Variants in KLHL26 observed in about 807,000 individuals in gnomAD.
The protein encoded by KLHL26 is kelch-like protein 26.
In KLHL26, 4 loss-of-function variants were observed where a neutral mutation model predicts 7.1. The observed-to-expected ratio is 0.56, with a 90% CI of 0.28 to 1.28. The LOEUF (loss-of-function observed/expected upper bound fraction) is 1.28. KLHL26 is among the 50% of genes most tolerant of loss of function. The pLI is 0.11. For missense variants in KLHL26, 896 were observed against 924.6 expected (o/e 0.97, Z 0.40); for synonymous variants, 465 against 414.1 (o/e 1.12, Z -1.49).
At chr19:18,658,850 C>T (rs1473569887) in intron 1 of KLHL26, among the ~76,000 whole-genome samples, 3 of 150,680 alleles carry the variant, frequency 2.0e-5, no homozygotes, top group Admixed American at 6.6e-5. Context: ...TTCTCTGGGT[C>T]TCTGTCTCCC....
Position 18,668,262 on chromosome 19 carries a change from G to T in KLHL26, c.865G>T (p.Val289Leu), listed in dbSNP as rs774377746. Residue 289 changes from valine to leucine, a missense_variant, in exon 3 of 3, where the codon GTG (valine) becomes TTG (leucine). Coordinates refer to ENST00000300976, the MANE Select transcript of KLHL26 (RefSeq NM_018316.3). ...QYLLEAFNYQVLPFRQHEMQS... is the reference protein window; with the variant it reads ...QYLLEAFNYQLLPFRQHEMQS... ...TCTGCTGGAGGCCTTCAACTACCAG[G>T]TGCTGCCCTTCCGGCAGCACGAGAT... 3.8e-5 allele frequency: 61 copies of T among 1,612,002 alleles called. No individual in the cohort carries two copies. The highest frequency in any genetic ancestry group is 4.9e-5 in the Non-Finnish European group (58 of 1,179,866).
intron 1 of KLHL26, among the ~76,000 whole-genome samples, chr19:18,661,319 C>G (rs2052389852): frequency 6.6e-6 from 1 of 152,146 alleles, no homozygotes; most frequent in Admixed American, 6.5e-5. Context: ...GTTTGGAACA[C>G]TGGCCCACCT....
chr19:18,650,024 G>C lies in KLHL26; in HGVS notation c.83+12887G>C, dbSNP rs1027826487. Among the ~76,000 whole-genome samples, 4 of 152,240 alleles carry C rather than the reference G, an allele frequency of 2.6e-5. No individual in the cohort carries two copies. Among genetic ancestry groups the C allele is most frequent in the East Asian group, 1.9e-4 (1 of 5,198 alleles). On this transcript the variant is annotated intron_variant, in intron 1 of 2. Transcript: ENST00000300976. The surrounding 1 kb of genome is among the most constrained non-coding windows in gnomAD (Gnocchi z 4.2). The stretch of plus-strand genomic sequence containing the variant: ...GGGGAATCACAGACCTTTCCTGCGA[G>C]GGCAAGGGCTTCCGGAATTGAACAG...
chr19:18,662,498 G>T (rs1214108784), intron 1 of KLHL26, among the ~76,000 whole-genome samples: 1 of 152,238 alleles, frequency 6.6e-6, no homozygotes. Flanking sequence ...GCATGCACGG[G>T]CAGGGAAGAG....
At position 18,656,614 on chromosome 19, in the gene KLHL26, GCAGGGGT is replaced by G. The variant is rs1478039266; in HGVS notation, c.84-7643_84-7637del. Reference sequence around the variant, plus strand: ...GAAGGGGAAGGCCAGGGCCTCCTTCGCAGGGGTCAGAGGGCATCCATGCAGGACGCTG... The same window carrying G: ...GAAGGGGAAGGCCAGGGCCTCCTTCGCAGAGGGCATCCATGCAGGACGCTG... On this transcript the variant is annotated intron_variant, in intron 1 of 2. Transcript: ENST00000300976. This position sits in a 1 kb window ranked among gnomAD's most constrained non-coding sequence, Gnocchi z 4.4. Among the ~76,000 whole-genome samples the G allele has an allele frequency of 9.2e-5, 14 of 152,184 alleles. No homozygotes were observed. Among genetic ancestry groups the G allele is most frequent in the African/African-American group, 3.4e-4 (14 of 41,520 alleles).
In KLHL26 at chr19:18,668,420, C is replaced by T. The variant is rs759036019; in HGVS notation, c.1023C>T (p.Phe341=). The change falls in exon 3 of 3, where the codon TTC becomes TTT. Residue 341 remains phenylalanine (F), a synonymous_variant. Coordinates refer to ENST00000300976, the MANE Select transcript of KLHL26 (RefSeq NM_018316.3). ...YQLPEPGARH[F]RELTEMEVGC... The stretch of plus-strand genomic sequence containing the variant: ...TGCCTGAGCCGGGAGCCCGCCACTT[C>T]CGCGAGCTCACGGAGATGGAGGTAG... 1 of 1,611,174 alleles carries T rather than the reference C, an allele frequency of 6.2e-7. No individual in the cohort carries two copies. Among genetic ancestry groups the T allele is most frequent in the East Asian group, 2.2e-5 (1 of 44,864 alleles).
Position 18,641,325 on chromosome 19 carries a change from T to TC in KLHL26, c.83+4188_83+4189insC, listed in dbSNP as rs1389819002. On this transcript the variant is annotated intron_variant, in intron 1 of 2. Coordinates refer to ENST00000300976, the MANE Select transcript of KLHL26 (RefSeq NM_018316.3). ...TTTTAAGTTGGGTTGCCTTTTTTTT[T>TC]TTTTTTTTTTTAAGACTGAGTCTCG... is the stretch of plus-strand genomic sequence containing the variant. Among the ~76,000 whole-genome samples, 6 of 149,936 alleles carry TC rather than the reference T, an allele frequency of 4.0e-5. No homozygotes were observed. The East Asian group carries it at 1.2e-3, about 29-fold the overall frequency.
chr19:18,662,454 G>A (rs773079344), intron 1 of KLHL26, among the ~76,000 whole-genome samples: 9 of 152,194 alleles, frequency 5.9e-5, no homozygotes, highest in African/African-American at 9.6e-5. Flanking sequence ...CCATGAGGAC[G>A]GGGCCTACTT....
Position 18,637,436 on chromosome 19 carries a change from G to A in KLHL26, c.83+299G>A, listed in dbSNP as rs543540068. On this transcript the variant is annotated intron_variant, in intron 1 of 2. Coordinates refer to ENST00000300976, the MANE Select transcript of KLHL26 (RefSeq NM_018316.3). Reference sequence around the variant, plus strand: ...GCTCTTGACTGTGGTGGGCCGTGGGGCAACTGGGGATGCCAAAGGGCCTGG... The same window carrying A: ...GCTCTTGACTGTGGTGGGCCGTGGGACAACTGGGGATGCCAAAGGGCCTGG... 4.0e-3 allele frequency among the ~76,000 whole-genome samples: 612 copies of A among 152,180 alleles called. 2 individuals are homozygous for A. The highest frequency in any genetic ancestry group is 6.1e-3 in the Non-Finnish European group (412 of 68,000).
rs1169232064 is a variant in KLHL26 at position 18,659,141 on chromosome 19, G to T, written c.84-5120G>T. ...CCTGTTTTTCTTTCTGTGGGTCCCGGTTCTTCTCTGGGTCTCTGTCCCCTC... is the reference window on the plus strand; with the variant it reads ...CCTGTTTTTCTTTCTGTGGGTCCCGTTTCTTCTCTGGGTCTCTGTCCCCTC... On this transcript the variant is annotated intron_variant, in intron 1 of 2. Transcript: ENST00000300976. Among the ~76,000 whole-genome samples, 17 of 150,162 alleles carry T rather than the reference G, an allele frequency of 1.1e-4. 1 individual carries two copies.
rs2052513673 is a variant in KLHL26, at chr19:18,670,214, C to G, written c.*969C>G. Reference sequence around the variant, plus strand: ...CTACGGAGCCAGCAGTGAGGCCTTTCCCTTCAAGGGCTCTGTGGTATCTCT... The same window carrying G: ...CTACGGAGCCAGCAGTGAGGCCTTTGCCTTCAAGGGCTCTGTGGTATCTCT... On this transcript the variant is annotated 3_prime_UTR_variant, in exon 3 of 3. Transcript: ENST00000300976. The G allele has an allele frequency of 6.6e-6, 1 of 152,378 alleles. No individual in the cohort carries two copies. The highest frequency in any genetic ancestry group is 6.5e-5 in the Admixed American group (1 of 15,286). The allele number at this position is 152,378 out of a possible 1,614,324, so 9.4% of individuals were successfully genotyped here. A position where few individuals can be genotyped will look rare whatever the true frequency, so the allele number is the denominator to read the frequency against.
At chr19:18,660,475 G>A (rs79874884) in intron 1 of KLHL26, among the ~76,000 whole-genome samples, 3,046 of 152,296 alleles carry the variant, frequency 0.02, 105 homozygotes, top group African/African-American at 0.07. Flanking sequence ...CTGGAGACTC[G>A]GACCGGCTCA....
At position 18,668,120 on chromosome 19, in the gene KLHL26, GC is replaced by G. The variant is rs1568464373; in HGVS notation, c.725del (p.Pro242ArgfsTer108). The G allele has an allele frequency of 2.5e-6, 4 of 1,599,220 alleles. No individual in the cohort carries two copies. Among genetic ancestry groups the G allele is most frequent in the South Asian group, 2.2e-5 (2 of 90,884 alleles). ...RWLQHDPARR[P>X]RASHVLCHIR... The stretch of plus-strand genomic sequence containing the variant: ...GGCTGCAGCATGACCCGGCCCGGCG[GC>G]CGCGCGCCAGCCACGTGCTCTGCCA... On this transcript the variant is annotated frameshift_variant, in exon 3 of 3. Transcript: ENST00000300976. LOFTEE classifies it low-confidence loss of function (END_TRUNC).
intron 1 of KLHL26, among the ~76,000 whole-genome samples, chr19:18,662,242 G>A (rs1455179683): frequency 3.9e-5 from 6 of 152,224 alleles, no homozygotes; most frequent in South Asian, 4.2e-4. Context: ...AAATCTCCTT[G>A]AACTTCTAAG....
Position 18,668,659 on chromosome 19 carries a change from G to A in KLHL26, c.1262G>A (p.Arg421His), listed in dbSNP as rs2052486429. 1.3e-6 allele frequency: 2 copies of A among 1,566,624 alleles called. No homozygotes were observed. Among genetic ancestry groups the A allele is most frequent in the Admixed American group, 1.8e-5 (1 of 55,616 alleles). ...LCGMVYATGG[R>H]NRAGSLASVE... Reference sequence around the variant, plus strand: ...GGCATGGTGTACGCCACGGGCGGCCGCAACCGAGCCGGCAGCCTGGCCTCC... The same window carrying A: ...GGCATGGTGTACGCCACGGGCGGCCACAACCGAGCCGGCAGCCTGGCCTCC... The change falls in exon 3 of 3, where the codon CGC becomes CAC. Residue 421 changes from arginine to histidine, a missense_variant. By Grantham distance (29) the Arg-to-His change is conservative (BLOSUM62 0). Coordinates refer to ENST00000300976, the MANE Select transcript of KLHL26 (RefSeq NM_018316.3).
chr19:18,638,279 G>A lies in KLHL26; in HGVS notation c.83+1142G>A, dbSNP rs546823804. On this transcript the variant is annotated intron_variant, in intron 1 of 2. Transcript: ENST00000300976. ...GATTGTTGGAGGGAATGGCCTGATG[G>A]CCTGGCTGTGTGATTTGGTACTGAA... Among the ~76,000 whole-genome samples the A allele has an allele frequency of 3.9e-5, 6 of 152,338 alleles. No homozygotes were observed. In the South Asian group the frequency reaches 1.0e-3, roughly 26 times the overall value.
At chr19:18,666,778 G>T (rs965060414) in intron 2 of KLHL26, among the ~76,000 whole-genome samples, 2 of 152,196 alleles carry the variant, frequency 1.3e-5, no homozygotes, top group Non-Finnish European at 2.9e-5. Context: ...TTCACATGAT[G>T]GTTGTTGAGA....
Position 18,637,113 on chromosome 19 carries a change from G to T in KLHL26, c.59G>T (p.Gly20Val). The change falls in exon 1 of 3, where the codon GGC (glycine) becomes GTC (valine). Residue 20 changes from glycine to valine, a missense_variant. Physicochemically the swap from Gly to Val is moderately radical, Grantham distance 109. Coordinates refer to ENST00000300976, the MANE Select transcript of KLHL26 (RefSeq NM_018316.3). Reference protein sequence around the residue: ...GAGGGGAFGAGPGPERPNSTA... With the variant: ...GAGGGGAFGAVPGPERPNSTA... Reference sequence around the variant, plus strand: ...GGTGGCGGCGGCGCTTTCGGCGCGGGCCCGGGCCCCGAGCGCCCGAACAGG... The same window carrying T: ...GGTGGCGGCGGCGCTTTCGGCGCGGTCCCGGGCCCCGAGCGCCCGAACAGG... 1 of 1,364,342 alleles carries T rather than the reference G, an allele frequency of 7.3e-7. No homozygotes were observed. The highest frequency in any genetic ancestry group is 9.4e-7 in the Non-Finnish European group (1 of 1,059,348). The allele number at this position is 1,364,342 out of a possible 1,614,324, so 84.5% of individuals were successfully genotyped here. A position where few individuals can be genotyped will look rare whatever the true frequency, so the allele number is the denominator to read the frequency against.
At chr19:18,655,725 G>A (rs2052323741) in intron 1 of KLHL26, among the ~76,000 whole-genome samples, 1 of 152,244 alleles carries the variant, frequency 6.6e-6, no homozygotes, top group African/African-American at 2.4e-5. Context: ...GGTCAGGGAG[G>A]TGGGGTCTGA....
Sources: allele counts gnomAD v4.1 joint callset (sites outside exome capture counted in the v4.1 genomes callset), GRCh38; gene constraint gnomAD v4.1.1; non-coding constraint Gnocchi (gnomAD v3.1); transcripts MANE v1.5; gene names NCBI Gene and HGNC (gene_info 2026-07-23, HGNC 2026-07-21).